NBEA: variants seen among roughly 807,000 people sequenced by gnomAD.
NBEA encodes the protein neurobeachin, also known as lysosomal-trafficking regulator 2.
NBEA carries 44 observed loss-of-function variants against 343.4 expected under a neutral mutation model. That is an observed-to-expected ratio of 0.13 (90% CI 0.10 to 0.16). The LOEUF (loss-of-function observed/expected upper bound fraction) is 0.16, where lower values mean the gene tolerates loss of function less well. NBEA is among the 10% of genes least tolerant of loss of function. The pLI, the probability that NBEA is intolerant of heterozygous loss-of-function variation, is 1.00. For synonymous variants in NBEA, 1,175 were observed against 1,238.7 expected (o/e 0.95, Z 1.08); for missense variants, 2,555 against 3,631.3 (o/e 0.70, Z 7.62).
At chr13:35,568,160 C>A (rs540075540) in intron 45 of NBEA, among the ~76,000 whole-genome samples, 1 of 152,278 alleles carries the variant, frequency 6.6e-6, no homozygotes, top group South Asian at 2.1e-4. Flanking sequence ...TGGAATATTT[C>A]TTAGCCTCTT....
chr13:35,606,483 A>G lies in NBEA; in HGVS notation c.7354A>G (p.Asn2452Asp). ...PEMFVNSNGY[N>D]LGVREDEVVV... ...GATGTTTGTCAACAGTAATGGATATAATCTTGGAGTCAGAGAAGATGAAGT... is the reference window on the plus strand; with the variant it reads ...GATGTTTGTCAACAGTAATGGATATGATCTTGGAGTCAGAGAAGATGAAGT... Residue 2452 changes from asparagine (N) to aspartate (D), a missense_variant, in exon 48 of 59, where the codon AAT becomes GAT. By Grantham distance (23) the Asn-to-Asp change is conservative. Coordinates refer to ENST00000379939, the MANE Select transcript of NBEA (RefSeq NM_001385012.1). 6.3e-7 allele frequency: 1 copy of G among 1,599,868 alleles called. No homozygotes were observed. Among genetic ancestry groups the G allele is most frequent in the South Asian group, 1.1e-5 (1 of 88,702 alleles).
chr13:34,986,828 A>G (rs2152511946), intron 1 of NBEA, among the ~76,000 whole-genome samples: 1 of 150,780 alleles, frequency 6.6e-6, no homozygotes, highest in Non-Finnish European at 1.5e-5. Flanking sequence ...AGAGACTAGG[A>G]TTGCAACCCC....
chr13:34,960,183 A>G (rs568516048), intron 1 of NBEA, among the ~76,000 whole-genome samples: 1 of 152,064 alleles, frequency 6.6e-6, no homozygotes, highest in Non-Finnish European at 1.5e-5. Context: ...GGTTTAGGCT[A>G]ATGTGTGTGT....
At chr13:35,420,109 T>C (rs370807026) in intron 38 of NBEA, among the ~76,000 whole-genome samples, 28 of 152,168 alleles carry the variant, frequency 1.8e-4, no homozygotes, top group African/African-American at 6.5e-4. Context: ...TATATTCCTC[T>C]TATTTCCTCT....
At chr13:35,364,007 G>A (rs1230956293) in intron 38 of NBEA, among the ~76,000 whole-genome samples, 1 of 151,910 alleles carries the variant, frequency 6.6e-6, no homozygotes, top group African/African-American at 2.4e-5. Context: ...TGATTATGTT[G>A]AGTTTGCCTT....
intron 34 of NBEA, among the ~76,000 whole-genome samples, chr13:35,269,973 G>C (rs1566545743): frequency 6.6e-6 from 1 of 152,112 alleles, no homozygotes; most frequent in Non-Finnish European, 1.5e-5. Flanking sequence ...AATTTTCTCT[G>C]TCCATTTTAT....
chr13:35,609,630 A>G (rs2082416651), intron 48 of NBEA, among the ~76,000 whole-genome samples: 1 of 152,170 alleles, frequency 6.6e-6, no homozygotes, highest in African/African-American at 2.4e-5. Flanking sequence ...TCAGTTTCTC[A>G]TTATAGTTAT....
At chr13:35,659,313 C>T (rs768904073) in intron 55 of NBEA, among the ~76,000 whole-genome samples, 7 of 152,316 alleles carry the variant, frequency 4.6e-5, no homozygotes, top group Non-Finnish European at 8.8e-5. Flanking sequence ...TTCATCACAA[C>T]ATCATGAAAT....
At chr13:34,977,125 A>G (rs2060206185) in intron 1 of NBEA, among the ~76,000 whole-genome samples, 1 of 151,664 alleles carries the variant, frequency 6.6e-6, no homozygotes, top group Non-Finnish European at 1.5e-5. Flanking sequence ...TTTTTAGTAG[A>G]GATGATATTT....
intron 24 of NBEA, among the ~76,000 whole-genome samples, chr13:35,168,513 A>G (rs1233290773): frequency 1.3e-5 from 2 of 151,634 alleles, no homozygotes; most frequent in East Asian, 3.9e-4. Flanking sequence ...CTTTCTGTAT[A>G]TTTGAGAATA....
chr13:35,557,004 A>G (rs2079602133), intron 44 of NBEA, among the ~76,000 whole-genome samples: 1 of 152,054 alleles, frequency 6.6e-6, no homozygotes, highest in East Asian at 1.9e-4. Flanking sequence ...ACCTATCAAG[A>G]CAGTATCATT....
Position 34,995,255 on chromosome 13 carries a change from C to A in NBEA, c.295-45678C>A, listed in dbSNP as rs2060899197. The stretch of plus-strand genomic sequence containing the variant: ...ATCACTTGAGGTCAGGAGTTTGAGA[C>A]CAGCCTGCCCAACATGGTGAAACCC... On this transcript the variant is annotated intron_variant, in intron 1 of 58. Coordinates refer to ENST00000379939, the MANE Select transcript of NBEA (RefSeq NM_001385012.1). Among the ~76,000 whole-genome samples the A allele has an allele frequency of 2.6e-5, 4 of 152,134 alleles. No individual in the cohort carries two copies. The South Asian group carries it at 8.3e-4, about 32-fold the overall frequency.
intron 43 of NBEA, among the ~76,000 whole-genome samples, chr13:35,554,407 T>C (rs1463832432): frequency 3.3e-5 from 5 of 152,230 alleles, no homozygotes; most frequent in African/African-American, 1.2e-4. Flanking sequence ...TTTGGACCAA[T>C]GATCATGGTT....
intron 10 of NBEA, among the ~76,000 whole-genome samples, chr13:35,072,250 T>C (rs866917253): frequency 2.0e-5 from 3 of 152,144 alleles, no homozygotes; most frequent in South Asian, 4.1e-4. Context: ...ATATTTCTTA[T>C]GAAATAATAT....
At chr13:35,387,766 A>T (rs541577826) in intron 38 of NBEA, among the ~76,000 whole-genome samples, 2 of 152,234 alleles carry the variant, frequency 1.3e-5, no homozygotes, top group South Asian at 4.1e-4. Context: ...ATTGATCTAG[A>T]TGGGAGCATT....
intron 40 of NBEA, among the ~76,000 whole-genome samples, chr13:35,461,898 TAAG>T (rs2046926819): frequency 6.6e-6 from 1 of 152,218 alleles, no homozygotes; most frequent in South Asian, 2.1e-4. Flanking sequence ...CAATTAGCCC[TAAG>T]GACAAGTATT....
chr13:35,317,882 C>G (rs1249716305), intron 36 of NBEA, among the ~76,000 whole-genome samples: 1 of 152,098 alleles, frequency 6.6e-6, no homozygotes, highest in African/African-American at 2.4e-5. Flanking sequence ...GGAGTTCACT[C>G]ATGATTTGGC....
chr13:35,070,094 C>T lies in NBEA; in HGVS notation c.1426C>T (p.Leu476=). ...ASIFVHSPHA[L]MLQDVKAIVT... The stretch of plus-strand genomic sequence containing the variant: ...AATTTTTGTGCATTCCCCACATGCT[C>T]TAATGCTTCAGGTGGGTGAATCGTG... The change falls in exon 9 of 59, where the codon CTA becomes TTA. Residue 476 remains leucine, a synonymous_variant. Transcript: ENST00000379939. The T allele has an allele frequency of 6.3e-7, 1 of 1,580,196 alleles. No homozygotes were observed. The highest frequency in any genetic ancestry group is 2.3e-4 in the Middle Eastern group (1 of 4,334).
intron 48 of NBEA, among the ~76,000 whole-genome samples, chr13:35,624,010 T>G (rs2083111849): frequency 6.6e-6 from 1 of 151,394 alleles, no homozygotes; most frequent in African/African-American, 2.4e-5. Context: ...AAATGAATTC[T>G]TATCAATGTT....
Sources: gnomAD v4.1 joint callset for allele counts (sites outside exome capture counted in the v4.1 genomes callset) on GRCh38, gnomAD v4.1.1 for gene constraint, MANE v1.5 for transcripts, NCBI Gene and HGNC (gene_info 2026-07-23, HGNC 2026-07-21) for gene names.